Variants in DIS3L2 observed in about 807,000 individuals in gnomAD.
DIS3L2 encodes DIS3-like exonuclease 2.
A neutral mutation model predicts 97.5 loss-of-function variants in DIS3L2; 34 were observed. The observed-to-expected ratio is 0.35, with a 90% CI of 0.27 to 0.46. DIS3L2 has a LOEUF of 0.46. DIS3L2 is among the 20% of genes least tolerant of loss of function. The pLI is 1.00. For missense variants in DIS3L2, 1,038 were observed against 1,146.0 expected, an observed-to-expected ratio of 0.91 and a Z score of 1.36; for synonymous variants, 435 against 445.2, an observed-to-expected ratio of 0.98 and a Z score of 0.29.
intron 14 of DIS3L2, among the ~76,000 whole-genome samples, chr2:232,326,139 C>T (rs1695565941): frequency 6.6e-6 from 1 of 152,154 alleles, no homozygotes; most frequent in Admixed American, 6.5e-5. Context: ...CCCATAGGAG[C>T]GCCTAGGCTC....
chr2:232,142,516 A>G (rs1690089391), intron 8 of DIS3L2, among the ~76,000 whole-genome samples: 3 of 152,188 alleles, frequency 2.0e-5, no homozygotes, highest in Non-Finnish European at 2.9e-5. Context: ...ACCTCCTCTT[A>G]TACTCATTAA....
intron 9 of DIS3L2, among the ~76,000 whole-genome samples, chr2:232,170,865 A>G (rs1275444928): frequency 6.6e-6 from 1 of 152,198 alleles, no homozygotes; most frequent in African/African-American, 2.4e-5. Flanking sequence ...GGTAAAACCA[A>G]CCTTGAAATA....
At chr2:232,187,061 A>G (rs1691459103) in intron 9 of DIS3L2, among the ~76,000 whole-genome samples, 2 of 152,260 alleles carry the variant, frequency 1.3e-5, no homozygotes. Context: ...TCTAGAATAC[A>G]TAAAGAACTC....
At chr2:232,266,019 T>TG (rs1266932963) in intron 13 of DIS3L2, among the ~76,000 whole-genome samples, 4 of 152,232 alleles carry the variant, frequency 2.6e-5, no homozygotes. Flanking sequence ...ACTTCTAGAA[T>TG]AACCAACCAA....
rs376220560 is a variant in DIS3L2, at chr2:232,064,512, A to G, written c.367-22975A>G. Among the ~76,000 whole-genome samples the G allele has an allele frequency of 3.8e-4, 58 of 152,334 alleles. No homozygotes were observed. The East Asian group carries it at 8.9e-3, about 23-fold the overall frequency. Reference sequence around the variant, plus strand: ...CCCTGTGAACACTGCTGTACACATCATCGTAAGAACATATGCTTTTATTTC... The same window carrying G: ...CCCTGTGAACACTGCTGTACACATCGTCGTAAGAACATATGCTTTTATTTC... On this transcript the variant is annotated intron_variant, in intron 5 of 20. Coordinates refer to ENST00000325385, the MANE Select transcript of DIS3L2 (RefSeq NM_152383.5).
At chr2:232,254,361 G>T (rs1693498847) in intron 12 of DIS3L2, among the ~76,000 whole-genome samples, 1 of 152,052 alleles carries the variant, frequency 6.6e-6, no homozygotes, top group Non-Finnish European at 1.5e-5. Flanking sequence ...TTTTGGTGGG[G>T]GTGGGAGCAT....
intron 5 of DIS3L2, among the ~76,000 whole-genome samples, chr2:232,051,815 A>T (rs1375467168): frequency 7.0e-6 from 1 of 141,946 alleles, no homozygotes; most frequent in Admixed American, 6.9e-5. Context: ...CCGTCTCAAA[A>T]AAAAAAAAAA....
At chr2:232,128,144 C>G (rs1698118408) in intron 6 of DIS3L2, among the ~76,000 whole-genome samples, 2 of 151,856 alleles carry the variant, frequency 1.3e-5, no homozygotes, top group Non-Finnish European at 2.9e-5. Flanking sequence ...TTTGTAGAGA[C>G]AGGGTTTTGC....
intron 1 of DIS3L2, chr2:231,978,430 T>A (rs954201510): frequency 6.6e-6 from 1 of 152,260 alleles, no homozygotes; most frequent in African/African-American, 2.4e-5. Flanking sequence ...ATTTGCTTTT[T>A]TCCCATAGCG....
intron 5 of DIS3L2, among the ~76,000 whole-genome samples, chr2:232,086,223 A>C (rs918723229): frequency 1.3e-5 from 2 of 151,792 alleles, no homozygotes; most frequent in Non-Finnish European, 1.5e-5. Flanking sequence ...ATACACACGT[A>C]TAGACGTGTA....
At chr2:232,074,229 A>G (rs761833606) in intron 5 of DIS3L2, among the ~76,000 whole-genome samples, 8 of 152,214 alleles carry the variant, frequency 5.3e-5, no homozygotes, top group Non-Finnish European at 1.0e-4. Flanking sequence ...TTTTGATGAA[A>G]TAATTGTTGA....
intron 8 of DIS3L2, among the ~76,000 whole-genome samples, chr2:232,146,640 G>A (rs1450322149): frequency 1.3e-5 from 2 of 152,122 alleles, no homozygotes; most frequent in African/African-American, 2.4e-5. Context: ...TGCCAACAAT[G>A]CTATTGACTA....
intron 6 of DIS3L2, among the ~76,000 whole-genome samples, chr2:232,098,451 T>C: frequency 6.6e-6 from 1 of 151,972 alleles, no homozygotes. Flanking sequence ...CCTCCTGGGT[T>C]CAAACGATTA....
At chr2:232,091,486 A>G (rs562474144) in intron 6 of DIS3L2, among the ~76,000 whole-genome samples, 1 of 152,040 alleles carries the variant, frequency 6.6e-6, no homozygotes, top group South Asian at 2.1e-4. Context: ...ACAGGATCAC[A>G]TTTTTTTTAA....
intron 9 of DIS3L2, among the ~76,000 whole-genome samples, chr2:232,205,081 T>C (rs1404110720): frequency 1.3e-5 from 2 of 152,070 alleles, no homozygotes; most frequent in African/African-American, 4.8e-5. Context: ...GTTCTCTTAG[T>C]AGTCTAGGCT....
intron 5 of DIS3L2, among the ~76,000 whole-genome samples, chr2:232,040,646 G>A (rs1258703595): frequency 2.6e-5 from 4 of 152,034 alleles, no homozygotes; most frequent in Admixed American, 2.0e-4. Context: ...AAACCCTGTG[G>A]GTGCTAATAA....
At chr2:232,296,444 T>C (rs544158791) in intron 13 of DIS3L2, among the ~76,000 whole-genome samples, 1 of 152,206 alleles carries the variant, frequency 6.6e-6, no homozygotes, top group South Asian at 2.1e-4. Flanking sequence ...GTAGGTGATA[T>C]GGTTTGGCTC....
At position 232,075,410 on chromosome 2, in the gene DIS3L2, T is replaced by G. The variant is rs76625540; in HGVS notation, c.367-12077T>G. ...TCCCATATCCATAGTTATGTTTAAA[T>G]TCTCTCTACTTTGCTCACTCCTATT... On this transcript the variant is annotated intron_variant, in intron 5 of 20. Coordinates refer to ENST00000325385, the MANE Select transcript of DIS3L2 (RefSeq NM_152383.5). Among the ~76,000 whole-genome samples the G allele has an allele frequency of 2.8e-3, 427 of 152,332 alleles. 1 individual carries two copies. The highest frequency in any genetic ancestry group is 4.7e-3 in the Non-Finnish European group (317 of 68,018).
At chr2:232,058,317 C>T (rs530657000) in intron 5 of DIS3L2, among the ~76,000 whole-genome samples, 17 of 152,294 alleles carry the variant, frequency 1.1e-4, no homozygotes, top group Admixed American at 7.2e-4. Flanking sequence ...CGGTTCTTGA[C>T]GGCTCTAATT....
Sources: gnomAD v4.1 joint callset for allele counts (sites outside exome capture counted in the v4.1 genomes callset) on GRCh38, gnomAD v4.1.1 for gene constraint, MANE v1.5 for transcripts, NCBI Gene and HGNC (gene_info 2026-07-23, HGNC 2026-07-21) for gene names.